The following ANKRD45 variants were observed in gnomAD, a reference collection of about 807,000 sequenced individuals.
ANKRD45 encodes ankyrin repeat domain 45.
ANKRD45 carries 21 observed loss-of-function variants against 28.1 expected under a neutral mutation model. That is an observed-to-expected ratio of 0.75 (90% CI 0.53 to 1.08). ANKRD45 has a LOEUF of 1.08. Among genes scored for constraint, ANKRD45 ranks in the 50% least tolerant of loss-of-function variants. The probability of loss-of-function intolerance (pLI) is 0.00; values close to 1 mark genes in which losing one functional copy is unlikely to be tolerated. For missense variants in ANKRD45, 261 were observed against 308.7 expected, an observed-to-expected ratio of 0.85 and a Z score of 1.16; for synonymous variants, 86 against 103.9, an observed-to-expected ratio of 0.83 and a Z score of 1.05.
the ANKRD45 span, among the ~76,000 whole-genome samples, chr1:173,687,901 C>G: frequency 6.6e-6 from 1 of 151,764 alleles, no homozygotes; most frequent in East Asian, 1.9e-4. Flanking sequence ...TAGGTCTGGT[C>G]GGACCTTTGT....
chr1:173,650,955 T>C (rs1257898452), intron 2 of ANKRD45, among the ~76,000 whole-genome samples: 1 of 152,200 alleles, frequency 6.6e-6, no homozygotes, highest in Non-Finnish European at 1.5e-5. Flanking sequence ...TTTTTTCTTT[T>C]AAATTTGTTT....
At chr1:173,663,936 C>T (rs924294932) in intron 1 of ANKRD45, among the ~76,000 whole-genome samples, 30 of 152,070 alleles carry the variant, frequency 2.0e-4, no homozygotes, top group Admixed American at 1.2e-3. Flanking sequence ...TATATTTGTA[C>T]ATATATATTT....
At chr1:173,684,203 G>C in the ANKRD45 span, among the ~76,000 whole-genome samples, 1 of 152,112 alleles carries the variant, frequency 6.6e-6, no homozygotes, top group Non-Finnish European at 1.5e-5. Flanking sequence ...ATCAAAAAAG[G>C]TTGCTTTATG....
the ANKRD45 span, among the ~76,000 whole-genome samples, chr1:173,710,044 G>A: frequency 7.2e-5 from 11 of 152,254 alleles, no homozygotes; most frequent in Admixed American, 5.9e-4. Context: ...ATAAAAATTC[G>A]CTGGGTGTGG....
chr1:173,619,099 T>C (rs1418971270), intron 5 of ANKRD45, among the ~76,000 whole-genome samples: 1 of 152,200 alleles, frequency 6.6e-6, no homozygotes, highest in Admixed American at 6.5e-5. Context: ...AGGGAATTTG[T>C]CACCACCAGC....
At chr1:173,689,426 T>C in the ANKRD45 span, among the ~76,000 whole-genome samples, 6 of 152,208 alleles carry the variant, frequency 3.9e-5, no homozygotes, top group Non-Finnish European at 8.8e-5. Flanking sequence ...TCTTTTTTTT[T>C]CTCTTTTTCT....
At chr1:173,613,139 A>C (rs1667253908) in intron 5 of ANKRD45, among the ~76,000 whole-genome samples, 1 of 150,500 alleles carries the variant, frequency 6.6e-6, no homozygotes, top group East Asian at 2.0e-4. Context: ...CCTGTCTAGG[A>C]AGTGAGGAGC....
At chr1:173,633,503 T>C (rs1668284871) in intron 3 of ANKRD45, among the ~76,000 whole-genome samples, 1 of 151,974 alleles carries the variant, frequency 6.6e-6, no homozygotes, top group Non-Finnish European at 1.5e-5. Context: ...TACTAAAATT[T>C]TTATGGAACC....
chr1:173,707,890 T>G, the ANKRD45 span, among the ~76,000 whole-genome samples: 1 of 152,192 alleles, frequency 6.6e-6, no homozygotes, highest in African/African-American at 2.4e-5. Context: ...GTTTCCATAG[T>G]TGTACCAGCA....
chr1:173,712,687 A>G, the ANKRD45 span, among the ~76,000 whole-genome samples: 10 of 152,364 alleles, frequency 6.6e-5, no homozygotes, highest in Non-Finnish European at 1.0e-4. Context: ...ACATTGTAGC[A>G]CTGTTTGTAA....
chr1:173,628,059 C>G (rs1374716080), intron 3 of ANKRD45, among the ~76,000 whole-genome samples: 3 of 151,610 alleles, frequency 2.0e-5, no homozygotes, highest in African/African-American at 7.3e-5. Flanking sequence ...AGGGAAGGAC[C>G]CAGGCCTGGC....
rs1366824835 is a variant in ANKRD45, at chr1:173,639,872, T to C, written c.496+6974A>G. 1.3e-5 allele frequency among the ~76,000 whole-genome samples: 2 copies of C among 152,214 alleles called. 1 individual carries two copies. On this transcript the variant is annotated intron_variant, in intron 3 of 5. Transcript: ENST00000333279. Reference sequence around the variant, plus strand: ...AATATAGTGCCCAAATTTGGGCTAATAGAGAATATTGACTCAGACAATGGA... The same window carrying C: ...AATATAGTGCCCAAATTTGGGCTAACAGAGAATATTGACTCAGACAATGGA...
At chr1:173,630,642 G>GACCAGC (rs554302236) in intron 3 of ANKRD45, among the ~76,000 whole-genome samples, 2,776 of 151,854 alleles carry the variant, frequency 0.018, 39 homozygotes, top group Middle Eastern at 0.071. Context: ...GAGGTCAGGA[G>GACCAGC]TTTGAGACCA....
At chr1:173,657,323 C>A in intron 2 of ANKRD45, 1 of 324,892 alleles carries the variant, frequency 3.1e-6, no homozygotes, top group Non-Finnish European at 6.3e-6. Flanking sequence ...CGAAAATTAG[C>A]CAGGCATGTT....
the ANKRD45 span, among the ~76,000 whole-genome samples, chr1:173,677,183 T>TA: frequency 1.1e-3 from 158 of 145,856 alleles, no homozygotes; most frequent in South Asian, 4.6e-3. Context: ...TGAAGGATTT[T>TA]AAAAAAAAAA....
At chr1:173,703,138 C>T in the ANKRD45 span, among the ~76,000 whole-genome samples, 7 of 151,998 alleles carry the variant, frequency 4.6e-5, no homozygotes, top group African/African-American at 1.5e-4. Flanking sequence ...TGGGTTCAAG[C>T]GATTCTCATG....
the ANKRD45 span, among the ~76,000 whole-genome samples, chr1:173,694,443 C>T: frequency 2.0e-5 from 3 of 151,852 alleles, no homozygotes; most frequent in Non-Finnish European, 2.9e-5. Flanking sequence ...GGATTACAAG[C>T]GTGAATCACT....
intron 2 of ANKRD45, among the ~76,000 whole-genome samples, chr1:173,656,303 GA>G (rs1371856312): frequency 6.6e-6 from 1 of 152,144 alleles, no homozygotes; most frequent in African/African-American, 2.4e-5. Flanking sequence ...ATTTTGTTAT[GA>G]ATAAGATCTT....
At chr1:173,678,862 A>G in the ANKRD45 span, among the ~76,000 whole-genome samples, 1 of 152,380 alleles carries the variant, frequency 6.6e-6, no homozygotes, top group East Asian at 1.9e-4. Context: ...GCAAAGTCTC[A>G]GGATACAAAG....
Sources: gnomAD v4.1 joint callset for allele counts (sites outside exome capture counted in the v4.1 genomes callset) on GRCh38, gnomAD v4.1.1 for gene constraint, MANE v1.5 for transcripts, NCBI Gene and HGNC (gene_info 2026-07-23, HGNC 2026-07-21) for gene names.